The following ADAMTS4 variants were observed in gnomAD, a reference collection of about 807,000 sequenced individuals.
The protein encoded by ADAMTS4 is ADAM metallopeptidase with thrombospondin type 1 motif 4, also known as A disintegrin and metalloproteinase with thrombospondin motifs 4.
Under a neutral mutation model 66.7 loss-of-function variants are expected in ADAMTS4, and 38 were observed. The ratio of observed to expected loss-of-function variants is 0.57; its 90% CI spans 0.44 to 0.75. The LOEUF (loss-of-function observed/expected upper bound fraction) is 0.75. Ranked by LOEUF, ADAMTS4 falls within the 30% of genes least tolerant of loss-of-function variation. ADAMTS4 has a pLI of 0.00. For missense variants in ADAMTS4, 1,014 were observed against 1,116.7 expected, an observed-to-expected ratio of 0.91 and a Z score of 1.31; for synonymous variants, 418 against 461.5, an observed-to-expected ratio of 0.91 and a Z score of 1.21.
chr1:161,193,631 A>T lies in ADAMTS4; in HGVS notation c.1735+9T>A. Reference sequence around the variant, plus strand: ...CCTCCCAAGGGCTCCCATCCCCCCTACTCCTCACCTGAGCCAGTTGGGCAG... The same window carrying T: ...CCTCCCAAGGGCTCCCATCCCCCCTTCTCCTCACCTGAGCCAGTTGGGCAG... On this transcript the variant is annotated intron_variant, in intron 6 of 8. Coordinates refer to ENST00000367996, the MANE Select transcript of ADAMTS4 (RefSeq NM_005099.6). The surrounding 1 kb of genome is among the most constrained non-coding windows in gnomAD (Gnocchi z 4.4). 1 of 1,603,190 alleles carries T rather than the reference A, an allele frequency of 6.2e-7. No homozygotes were observed. The highest frequency in any genetic ancestry group is 8.5e-7 in the Non-Finnish European group (1 of 1,174,042).
Position 161,193,649 on chromosome 1 carries a change from T to A in ADAMTS4, c.1726A>T (p.Thr576Ser). 6.2e-7 allele frequency: 1 copy of A among 1,611,006 alleles called. No individual in the cohort carries two copies. The highest frequency in any genetic ancestry group is 8.5e-7 in the Non-Finnish European group (1 of 1,178,186). ...CCCCCCTACTCCTCACCTGAGCCAG[T>A]TGGGCAGTCCTCAGTGTTGCAGGAG... ...FRSCNTEDCP[T>S]GSALTFREEQ... Residue 576 changes from threonine (T) to serine (S), a missense_variant, in exon 6 of 9, where the codon ACT becomes TCT. By Grantham distance (58) the Thr-to-Ser change is moderately conservative. Coordinates refer to ENST00000367996, the MANE Select transcript of ADAMTS4 (RefSeq NM_005099.6). This position sits in a 1 kb window ranked among gnomAD's most constrained non-coding sequence, Gnocchi z 4.4.
rs1247900873 is a variant in ADAMTS4 at position 161,198,591 on chromosome 1, C to T, written c.37G>A (p.Ala13Thr). ...TGGGCTCCCCACAGCCAGCGCCCTG[C>T]CAAGCCCCTCCCGGGATGCGAGCCT... ...QTGSHPGRGL[A>T]GRWLWGAQPC... The change falls in exon 1 of 9, where the codon GCA (alanine) becomes ACA (threonine). Residue 13 changes from alanine to threonine, a missense_variant. Physicochemically the swap from Ala to Thr is moderately conservative, Grantham distance 58. Transcript: ENST00000367996. This position sits in a 1 kb window ranked among gnomAD's most constrained non-coding sequence, Gnocchi z 4.7. 1 of 1,536,674 alleles carries T rather than the reference C, an allele frequency of 6.5e-7. No individual in the cohort carries two copies.
chr1:161,191,944 C>T (rs1460713371), intron 8 of ADAMTS4, 121 bp downstream of exon 8: 1 of 1,222,170 alleles, frequency 8.2e-7, no homozygotes. Flanking sequence ...TAGCTGCCTA[C>T]TCGTCTATCT....
At chr1:161,192,786 A>G (rs953017557) in intron 7 of ADAMTS4, among the ~76,000 whole-genome samples, 2 of 152,094 alleles carry the variant, frequency 1.3e-5, no homozygotes, top group African/African-American at 4.8e-5. Context: ...CCACCCTATC[A>G]CAGAGAGGGA....
Position 161,193,498 on chromosome 1 carries a change from A to G in ADAMTS4, c.1736-110T>C. ...AGCACAGCTCTGCTCTTCCCTGCAG[A>G]CGGCCAAGGACAATTCCCAGAGGTT... On this transcript the variant is annotated intron_variant, in intron 6 of 8. Transcript: ENST00000367996. This position sits in a 1 kb window ranked among gnomAD's most constrained non-coding sequence, Gnocchi z 4.4. 3 of 1,517,990 alleles carry G rather than the reference A, an allele frequency of 2.0e-6. No individual in the cohort carries two copies. The highest frequency in any genetic ancestry group is 2.7e-6 in the Non-Finnish European group (3 of 1,124,948). 94.0% of individuals were successfully genotyped at this position (1,517,990 alleles called of 1,614,324 possible). A position where few individuals can be genotyped will look rare whatever the true frequency, so the allele number is the denominator to read the frequency against.
chr1:161,191,141 T>C lies in ADAMTS4; in HGVS notation c.2511A>G (p.Lys837=). 6.5e-7 allele frequency: 1 copy of C among 1,547,128 alleles called. No individual in the cohort carries two copies. The highest frequency in any genetic ancestry group is 8.7e-7 in the Non-Finnish European group (1 of 1,142,934). The stretch of plus-strand genomic sequence containing the variant: ...AAGGGCAGCCGGGATAGTGAGGTTA[T>C]TTCCTGCCCGCCCAGGGGCGCCGCC... ...ILRRRPWAGR[K] The change falls in exon 9 of 9, where the codon AAA becomes AAG. Residue 837 remains lysine, a synonymous_variant. Transcript: ENST00000367996.
intron 7 of ADAMTS4, 148 bp from the exon 8 acceptor site, chr1:161,192,388 C>G (rs1420458974): frequency 9.8e-6 from 6 of 615,334 alleles, no homozygotes; most frequent in Non-Finnish European, 1.7e-5. Context: ...GTGCCGGCCA[C>G]CATGTGGGTG....
Position 161,193,376 on chromosome 1 carries a change from C to A in ADAMTS4, c.1748G>T (p.Arg583Leu). The A allele has an allele frequency of 1.9e-6, 3 of 1,613,594 alleles. No homozygotes were observed. The highest frequency in any genetic ancestry group is 1.7e-6 in the Non-Finnish European group (2 of 1,179,802). ...DCPTGSALTF[R>L]EEQCAAYNHR... ...GTTGTAGGCAGCACACTGCTCCTCG[C>A]GGAAGGTCAGGGCTGGAGGGGTAAA... The change falls in exon 7 of 9, where the codon CGC becomes CTC. Residue 583 changes from arginine (R) to leucine (L), a missense_variant. Arg to Leu is a moderately radical substitution (Grantham distance 102, BLOSUM62 -2). Transcript: ENST00000367996. The surrounding 1 kb of genome is among the most constrained non-coding windows in gnomAD (Gnocchi z 4.4).
chr1:161,191,369 G>A lies in ADAMTS4; in HGVS notation c.2283C>T (p.Tyr761=), dbSNP rs1246565469. Residue 761 remains tyrosine, a synonymous_variant, in exon 9 of 9, where the codon TAC becomes TAT. Transcript: ENST00000367996. ...TCTCTGAGGCTGCAGTGGCCCCGCT[G>A]TAGCGCAAGCTGACTGCCCCAGGCA... is the stretch of plus-strand genomic sequence containing the variant. ...VVLPGAVSLR[Y]SGATAASETL... is the part of the protein sequence containing the mutation. 23 of 1,613,912 alleles carry A rather than the reference G, an allele frequency of 1.4e-5. No individual in the cohort carries two copies. Among genetic ancestry groups the A allele is most frequent in the Non-Finnish European group, 1.8e-5 (21 of 1,180,024 alleles).
rs17855175 is a variant in ADAMTS4 at position 161,196,692 on chromosome 1, T to C, written c.822A>G (p.Ser274=). The C allele has an allele frequency of 6.2e-7, 1 of 1,614,038 alleles. No homozygotes were observed. The highest frequency in any genetic ancestry group is 1.1e-5 in the South Asian group (1 of 91,082). ...GCCCCACTTGGGGCCCCTCCTCGCCTGACCCCAGGATCACTAGCCGAGTCA... is the reference window on the plus strand; with the variant it reads ...GCCCCACTTGGGGCCCCTCCTCGCCCGACCCCAGGATCACTAGCCGAGTCA... ...LVVTRLVILG[S]GEEGPQVGPS... is the part of the protein sequence containing the mutation. Residue 274 remains serine (S), a synonymous_variant, in exon 2 of 9, where the codon TCA becomes TCG. Coordinates refer to ENST00000367996, the MANE Select transcript of ADAMTS4 (RefSeq NM_005099.6).
chr1:161,197,687 C>A lies in ADAMTS4; in HGVS notation c.633+308G>T, dbSNP rs547624731. 3.3e-5 allele frequency among the ~76,000 whole-genome samples: 5 copies of A among 151,960 alleles called. No homozygotes were observed. The East Asian group carries it at 9.8e-4, about 30-fold the overall frequency. ...AGGGGCTGTTAGGAGACCTTTACTG[C>A]TGGGGACTGTGTCAGTAGGAGATGC... On this transcript the variant is annotated intron_variant, in intron 1 of 8. Transcript: ENST00000367996.
In ADAMTS4 at chr1:161,194,230, G is replaced by T. The variant is rs1186866599; in HGVS notation, c.1262-9C>A. ...GTCTAAGAGACAGTGCCCTGGGAAG[G>T]GGGTTGGGGCACAAAGTCAGCAACG... is the stretch of plus-strand genomic sequence containing the variant. On this transcript the variant is annotated splice_polypyrimidine_tract_variant and intron_variant, in intron 4 of 8. Transcript: ENST00000367996. This position sits in a 1 kb window ranked among gnomAD's most constrained non-coding sequence, Gnocchi z 4.1. The T allele has an allele frequency of 6.2e-7, 1 of 1,609,368 alleles. No homozygotes were observed. Among genetic ancestry groups the T allele is most frequent in the South Asian group, 1.1e-5 (1 of 90,874 alleles).
In ADAMTS4 at chr1:161,191,232, G is replaced by A; in HGVS notation, c.2420C>T (p.Pro807Leu). 6.2e-7 allele frequency: 1 copy of A among 1,613,142 alleles called. No individual in the cohort carries two copies. The highest frequency in any genetic ancestry group is 8.5e-7 in the Non-Finnish European group (1 of 1,179,524). The change falls in exon 9 of 9, where the codon CCT becomes CTT. Residue 807 changes from proline to leucine, a missense_variant. Pro to Leu is a moderately conservative substitution (Grantham distance 98). Coordinates refer to ENST00000367996, the MANE Select transcript of ADAMTS4 (RefSeq NM_005099.6). ...CTGGGGAGTGGGGCGTGGCGTTGAA[G>A]GGGTCGGCCGGGGCACGAAGAAGCT... Reference protein sequence around the residue: ...RYSFFVPRPTPSTPRPTPQDW... With the variant: ...RYSFFVPRPTLSTPRPTPQDW...
chr1:161,197,922 G>C (rs1177690941), intron 1 of ADAMTS4, 73 bp downstream of exon 1: 67 of 1,506,840 alleles, frequency 4.4e-5, no homozygotes, highest in Non-Finnish European at 5.5e-5. Flanking sequence ...TGGGTGGAGA[G>C]AGGGTGAATA....
chr1:161,196,117 C>A, intron 3 of ADAMTS4, 54 bp downstream of exon 3: 1 of 1,521,850 alleles, frequency 6.6e-7, no homozygotes, highest in Non-Finnish European at 8.8e-7. Context: ...GAACTTGCTA[C>A]CCCCTCCCCC....
At position 161,196,250 on chromosome 1, in the gene ADAMTS4, G is replaced by A. The variant is rs200972922; in HGVS notation, c.1011C>T (p.Thr337=). ...CDTLGMADVG[T]VCDPARSCAI... Reference sequence around the variant, plus strand: ...CACAGCTCCGAGCCGGGTCACAGACGGTGCCCACATCAGCCATACCCAGCG... The same window carrying A: ...CACAGCTCCGAGCCGGGTCACAGACAGTGCCCACATCAGCCATACCCAGCG... Residue 337 remains threonine, a synonymous_variant, in exon 3 of 9, where the codon ACC becomes ACT. Coordinates refer to ENST00000367996, the MANE Select transcript of ADAMTS4 (RefSeq NM_005099.6). 8.1e-6 allele frequency: 13 copies of A among 1,613,588 alleles called. No individual in the cohort carries two copies. The African/African-American group carries it at 1.3e-4, about 17-fold the overall frequency.
intron 8 of ADAMTS4, 34 bp from the exon 9 acceptor site, chr1:161,191,598 C>A: frequency 1.9e-6 from 3 of 1,560,900 alleles, no homozygotes; most frequent in South Asian, 2.4e-5. Context: ...AGCTCAGGAT[C>A]ACCTGAATCC....
Position 161,192,568 on chromosome 1 carries a change from G to T in ADAMTS4, c.1912-328C>A, listed in dbSNP as rs56758346. ...AACGTTGAGGTTTAGAAAAGCTAAA[G>T]AACCTGTCCAAAAGCCACACAAATG... On this transcript the variant is annotated intron_variant, in intron 7 of 8. Transcript: ENST00000367996. 3.5e-3 allele frequency among the ~76,000 whole-genome samples: 537 copies of T among 152,160 alleles called. 5 individuals carry two copies. The highest frequency in any genetic ancestry group is 0.012 in the African/African-American group (516 of 41,504).
chr1:161,193,707 G>A lies in ADAMTS4; in HGVS notation c.1668C>T (p.Gly556=). The part of the protein sequence containing the change: ...DCTRPVPRNG[G]KYCEGRRTRF... ...GGGTACGGCGGCCCTCACAGTACTTGCCACCATTCCGGGGGACAGGCCTCG... is the reference window on the plus strand; with the variant it reads ...GGGTACGGCGGCCCTCACAGTACTTACCACCATTCCGGGGGACAGGCCTCG... The change falls in exon 6 of 9, where the codon GGC becomes GGT. Residue 556 remains glycine, a synonymous_variant. Transcript: ENST00000367996. The surrounding 1 kb of genome is among the most constrained non-coding windows in gnomAD (Gnocchi z 4.4). 1 of 1,614,092 alleles carries A rather than the reference G, an allele frequency of 6.2e-7. No homozygotes were observed.
Sources: gnomAD v4.1 joint callset for allele counts (sites outside exome capture counted in the v4.1 genomes callset) on GRCh38, gnomAD v4.1.1 for gene constraint, Gnocchi (gnomAD v3.1) non-coding constraint, MANE v1.5 for transcripts, NCBI Gene and HGNC (gene_info 2026-07-23, HGNC 2026-07-21) for gene names.